HUNK: variants seen among roughly 807,000 people sequenced by gnomAD.
The protein encoded by HUNK is hormonally up-regulated neu tumor-associated kinase.
In HUNK, 21 loss-of-function variants were observed where a neutral mutation model predicts 61.0. That is an observed-to-expected ratio of 0.34 (90% CI 0.24 to 0.50). The LOEUF (loss-of-function observed/expected upper bound fraction) is 0.50, where lower values mean the gene tolerates loss of function less well. Ranked by LOEUF, HUNK falls within the 20% of genes least tolerant of loss-of-function variation. The pLI is 0.98. For missense variants in HUNK, 772 were observed against 945.7 expected, an observed-to-expected ratio of 0.82 and a Z score of 2.41; for synonymous variants, 371 against 386.1, an observed-to-expected ratio of 0.96 and a Z score of 0.46.
chr21:31,914,621 G>C (rs1238335623), intron 1 of HUNK, among the ~76,000 whole-genome samples: 1 of 152,054 alleles, frequency 6.6e-6, no homozygotes, highest in Admixed American at 6.6e-5. Context: ...CACAGTCCTG[G>C]AGTCTGGAAG....
chr21:31,877,933 T>C (rs1385906100), intron 1 of HUNK, among the ~76,000 whole-genome samples: 1 of 152,094 alleles, frequency 6.6e-6, no homozygotes, highest in Non-Finnish European at 1.5e-5. Context: ...GTCGACAGAA[T>C]AAGGAAAGTG....
chr21:31,965,964 A>G (rs1205144752), intron 5 of HUNK, among the ~76,000 whole-genome samples: 1 of 152,062 alleles, frequency 6.6e-6, no homozygotes, highest in African/African-American at 2.4e-5. Flanking sequence ...GGTTACATGG[A>G]TAAGTTCCTT....
chr21:31,984,363 AT>A (rs2053118646), intron 8 of HUNK, among the ~76,000 whole-genome samples: 1 of 152,200 alleles, frequency 6.6e-6, no homozygotes, highest in African/African-American at 2.4e-5. Flanking sequence ...AAGATGTATA[AT>A]GATTATGCGT....
In HUNK at chr21:31,998,886, A is replaced by T. The variant is rs951734110; in HGVS notation, c.1847A>T (p.His616Leu). Residue 616 changes from histidine to leucine, a missense_variant, in exon 11 of 11, where the codon CAT (histidine) becomes CTT (leucine). Physicochemically the swap from His to Leu is moderately conservative, Grantham distance 99 (BLOSUM62 -3). This residue lies in a region of HUNK where 413 missense variants were observed against 444.4 expected (regional missense o/e 0.93). Transcript: ENST00000270112. Reference protein sequence around the residue: ...GSMSPLHTPLHPTLVSFAHED... With the variant: ...GSMSPLHTPLLPTLVSFAHED... The stretch of plus-strand genomic sequence containing the variant: ...ATGTCGCCTCTCCATACTCCTTTGC[A>T]TCCAACTCTGGTCTCTTTTGCTCAC... The T allele has an allele frequency of 6.2e-7, 1 of 1,614,018 alleles. No individual in the cohort carries two copies. Among genetic ancestry groups the T allele is most frequent in the African/African-American group, 1.3e-5 (1 of 74,906 alleles).
chr21:31,936,600 T>C (rs1330260734), intron 2 of HUNK, among the ~76,000 whole-genome samples: 4 of 152,208 alleles, frequency 2.6e-5, no homozygotes, highest in Non-Finnish European at 5.9e-5. Context: ...GAGTTGGTTA[T>C]AATGGGATGC....
chr21:31,992,477 C>T (rs956744542), intron 9 of HUNK, among the ~76,000 whole-genome samples: 5 of 152,210 alleles, frequency 3.3e-5, no homozygotes, highest in Non-Finnish European at 7.3e-5. Flanking sequence ...GCCTCTGGGG[C>T]CTCATGTGGT....
chr21:31,990,046 G>A (rs2123252210), intron 8 of HUNK, 83 bp from the exon 9 acceptor site: 1 of 1,225,868 alleles, frequency 8.2e-7, no homozygotes, highest in Non-Finnish European at 1.2e-6. Context: ...CTCAACCAGA[G>A]CTGCAGGGCC....
intron 4 of HUNK, among the ~76,000 whole-genome samples, chr21:31,948,094 C>T (rs1293517383): frequency 6.6e-6 from 1 of 152,306 alleles, no homozygotes; most frequent in Middle Eastern, 3.4e-3. Context: ...TGAATAAAAT[C>T]GCCCAAGGTC....
At chr21:31,980,805 A>G (rs1422444475) in intron 7 of HUNK, among the ~76,000 whole-genome samples, 4 of 152,140 alleles carry the variant, frequency 2.6e-5, no homozygotes, top group Admixed American at 6.5e-5. Context: ...CCCAGGTTCA[A>G]GCGATTCTCC....
rs1424479919 is a variant in HUNK at position 31,996,078 on chromosome 21, TA to T, written c.1486+132del. 4.2e-6 allele frequency: 3 copies of T among 713,450 alleles called. No individual in the cohort carries two copies. The African/African-American group carries it at 5.9e-5, about 14-fold the overall frequency. The allele number at this position is 713,450 out of a possible 1,614,324, so 44.2% of individuals were successfully genotyped here. ...TCCTGTGCCCACAGAAAAGCAGGAT[TA>T]ATGGACCTGAGGTTGCCTGAGCACA... On this transcript the variant is annotated intron_variant, in intron 10 of 10. Coordinates refer to ENST00000270112, the MANE Select transcript of HUNK (RefSeq NM_014586.2).
At chr21:31,986,350 C>A (rs1362232506) in intron 8 of HUNK, among the ~76,000 whole-genome samples, 1 of 152,062 alleles carries the variant, frequency 6.6e-6, no homozygotes, top group African/African-American at 2.4e-5. Context: ...TAAACCCCTC[C>A]AACCCCTGCA....
intron 1 of HUNK, among the ~76,000 whole-genome samples, chr21:31,902,444 A>G (rs1485649372): frequency 6.6e-6 from 1 of 152,150 alleles, no homozygotes; most frequent in African/African-American, 2.4e-5. Flanking sequence ...TGGGAGACGG[A>G]GGTTGCGGTG....
At chr21:31,949,168 T>G (rs2052831434) in intron 4 of HUNK, among the ~76,000 whole-genome samples, 1 of 152,190 alleles carries the variant, frequency 6.6e-6, no homozygotes, top group Admixed American at 6.5e-5. Flanking sequence ...TTTGCAGGTG[T>G]GGTCTGGTGT....
intron 1 of HUNK, among the ~76,000 whole-genome samples, chr21:31,891,682 G>T (rs1306584226): frequency 1.3e-5 from 2 of 152,146 alleles, no homozygotes; most frequent in Non-Finnish European, 2.9e-5. Flanking sequence ...TGCGAATATT[G>T]TCTCCCAGGT....
intron 1 of HUNK, among the ~76,000 whole-genome samples, chr21:31,901,824 T>C (rs1225158843): frequency 1.1e-4 from 16 of 152,300 alleles, no homozygotes; most frequent in Non-Finnish European, 2.2e-4. Flanking sequence ...TTTGGTCACA[T>C]TGAACTACTA....
rs1226178589 is a variant in HUNK, at chr21:31,999,393, G to C, written c.*209G>C. 3 of 526,920 alleles carry C rather than the reference G, an allele frequency of 5.7e-6. No homozygotes were observed. In the East Asian group the frequency reaches 9.0e-5, roughly 16 times the overall value. 32.6% of individuals were successfully genotyped at this position (526,920 alleles called of 1,614,324 possible). A position where few individuals can be genotyped will look rare whatever the true frequency, so the allele number is the denominator to read the frequency against. Reference sequence around the variant, plus strand: ...ATCGCTAGGAGGGTTGGCTCCAGGGGCAGCCAATTCCTATCATTCAGATCT... The same window carrying C: ...ATCGCTAGGAGGGTTGGCTCCAGGGCCAGCCAATTCCTATCATTCAGATCT... On this transcript the variant is annotated 3_prime_UTR_variant, in exon 11 of 11. Transcript: ENST00000270112.
chr21:31,986,899 G>C (rs140607651), intron 8 of HUNK, among the ~76,000 whole-genome samples: 7 of 152,206 alleles, frequency 4.6e-5, no homozygotes, highest in African/African-American at 1.4e-4. Flanking sequence ...ACATCCTGGG[G>C]CCTGTCCCAT....
chr21:31,896,568 AAAAAAACAAAC>A (rs2052426452), intron 1 of HUNK, among the ~76,000 whole-genome samples: 2 of 152,170 alleles, frequency 1.3e-5, no homozygotes. Flanking sequence ...TTGGGTCAAG[AAAAAAACAAAC>A]AAACAAACAA....
chr21:32,002,130 A>G lies in HUNK; in HGVS notation c.*2946A>G, dbSNP rs886707717. 2 of 152,666 alleles carry G rather than the reference A, an allele frequency of 1.3e-5. No homozygotes were observed. Among genetic ancestry groups the G allele is most frequent in the Admixed American group, 6.5e-5 (1 of 15,274 alleles). 9.5% of individuals were successfully genotyped at this position (152,666 alleles called of 1,614,324 possible). ...GAGACAGGGTCTTGCTCTGTCACCC[A>G]GGCTGGAGTGCAGTGGCACAATCAC... On this transcript the variant is annotated 3_prime_UTR_variant, in exon 11 of 11. Coordinates refer to ENST00000270112, the MANE Select transcript of HUNK (RefSeq NM_014586.2).
Sources: gnomAD v4.1 joint callset for allele counts (sites outside exome capture counted in the v4.1 genomes callset) on GRCh38, gnomAD v4.1.1 for gene constraint, gnomAD v4.1.1 regional missense constraint, MANE v1.5 for transcripts, NCBI Gene and HGNC (gene_info 2026-07-23, HGNC 2026-07-21) for gene names.